Variants in PLEKHA5 observed in about 807,000 individuals in gnomAD.
The protein encoded by PLEKHA5 is pleckstrin homology domain-containing family A member 5.
PLEKHA5 carries 55 observed loss-of-function variants against 181.9 expected under a neutral mutation model. The ratio of observed to expected loss-of-function variants is 0.30; its 90% CI spans 0.24 to 0.38. The LOEUF (loss-of-function observed/expected upper bound fraction) is 0.38, where lower values mean the gene tolerates loss of function less well. Among genes scored for constraint, PLEKHA5 ranks in the 10% least tolerant of loss-of-function variants. The pLI is 1.00. For synonymous variants in PLEKHA5, 535 were observed against 529.4 expected, an observed-to-expected ratio of 1.01 and a Z score of -0.15; for missense variants, 1,432 against 1,549.5, an observed-to-expected ratio of 0.92 and a Z score of 1.27.
At chr12:19,338,831 C>T (rs1236137332) in intron 21 of PLEKHA5, among the ~76,000 whole-genome samples, 3 of 148,116 alleles carry the variant, frequency 2.0e-5, no homozygotes, top group Non-Finnish European at 4.4e-5. Flanking sequence ...TTGCAGTGAT[C>T]GGAGATCACA....
At chr12:19,346,237 A>G (rs969329459) in intron 23 of PLEKHA5, among the ~76,000 whole-genome samples, 1 of 152,248 alleles carries the variant, frequency 6.6e-6, no homozygotes, top group Non-Finnish European at 1.5e-5. Context: ...TGTCATGCGT[A>G]GCATAAAGAA....
intron 5 of PLEKHA5, among the ~76,000 whole-genome samples, chr12:19,255,944 C>T (rs962723834): frequency 7.1e-6 from 1 of 141,088 alleles, no homozygotes; most frequent in Non-Finnish European, 1.5e-5. Flanking sequence ...TGACATAAAA[C>T]TCAGAAGTAA....
chr12:19,288,802 T>G (rs920880244), intron 13 of PLEKHA5, among the ~76,000 whole-genome samples: 18 of 152,228 alleles, frequency 1.2e-4, no homozygotes, highest in Non-Finnish European at 2.4e-4. Context: ...ACCACAAATG[T>G]TTCTCTTCTG....
intron 3 of PLEKHA5, 112 bp from the exon 4 acceptor site, chr12:19,253,826 CAA>C: frequency 1.4e-6 from 1 of 739,190 alleles, no homozygotes. Flanking sequence ...GTCTCAAAAA[CAA>C]AAAAAAAGGC....
chr12:19,305,884 A>AAAAC (rs57683694), intron 15 of PLEKHA5, among the ~76,000 whole-genome samples: 25 of 147,534 alleles, frequency 1.7e-4, no homozygotes, highest in Non-Finnish European at 3.4e-4. Flanking sequence ...AAAAAAAAAA[A>AAAAC]CAACTATGAA....
chr12:19,244,745 G>A (rs897707887), intron 3 of PLEKHA5, among the ~76,000 whole-genome samples: 11 of 152,200 alleles, frequency 7.2e-5, no homozygotes, highest in African/African-American at 2.2e-4. Flanking sequence ...CTCGTTTTGC[G>A]CAGTAGATAC....
rs1389242940 is a variant in PLEKHA5, at chr12:19,255,885, A to G, written c.432+720A>G. On this transcript the variant is annotated intron_variant, in intron 5 of 31. Transcript: ENST00000429027. The stretch of plus-strand genomic sequence containing the variant: ...TAAGAAAAAAACAATGGAAGATTTG[A>G]AAAAAAAAAAAAAAGAAAAGCTCAG... 5.1e-5 allele frequency among the ~76,000 whole-genome samples: 7 copies of G among 136,640 alleles called. No individual in the cohort carries two copies. In the South Asian group the frequency reaches 8.9e-4, roughly 17 times the overall value. The allele number at this position is 136,640 out of a possible 152,430, so 89.6% of individuals were successfully genotyped here.
chr12:19,372,259 A>C (rs2095598961), intron 31 of PLEKHA5: 1 of 152,166 alleles, frequency 6.6e-6, no homozygotes, highest in Non-Finnish European at 1.5e-5. Flanking sequence ...TCGGCCTCCC[A>C]AAGTGCTGGC....
At chr12:19,283,237 A>T in intron 11 of PLEKHA5, 43 bp from the exon 12 acceptor site, 23 of 953,662 alleles carry the variant, frequency 2.4e-5, no homozygotes, top group Non-Finnish European at 3.6e-5. Flanking sequence ...TTTGGAAAAT[A>T]ACCCTCCTTC....
At chr12:19,327,330 T>C (rs1443712265) in intron 20 of PLEKHA5, among the ~76,000 whole-genome samples, 3 of 151,922 alleles carry the variant, frequency 2.0e-5, no homozygotes, top group African/African-American at 7.2e-5. Context: ...AATTTGTATT[T>C]CTCTGATGAT....
intron 22 of PLEKHA5, among the ~76,000 whole-genome samples, chr12:19,344,536 C>A (rs1301284984): frequency 6.6e-6 from 1 of 152,056 alleles, no homozygotes; most frequent in African/African-American, 2.4e-5. Context: ...CTGTCATAAG[C>A]CATGCCATAG....
chr12:19,255,231 A>G, intron 5 of PLEKHA5, 66 bp downstream of exon 5: 1 of 942,610 alleles, frequency 1.1e-6, no homozygotes, highest in Non-Finnish European at 1.5e-6. Context: ...GTTACTCATA[A>G]TGGACTTAAA....
chr12:19,260,541 A>G (rs2068159524), intron 6 of PLEKHA5, among the ~76,000 whole-genome samples: 1 of 152,196 alleles, frequency 6.6e-6, no homozygotes, highest in South Asian at 2.1e-4. Context: ...TGTATCAAAC[A>G]TACCTTGTTT....
chr12:19,161,837 C>G (rs570507817), intron 3 of PLEKHA5, among the ~76,000 whole-genome samples: 1 of 152,236 alleles, frequency 6.6e-6, no homozygotes, highest in African/African-American at 2.4e-5. Context: ...CGTACGTGTT[C>G]TGGGAGATTA....
chr12:19,345,976 CA>C, intron 23 of PLEKHA5, 88 bp downstream of exon 23: 1 of 645,996 alleles, frequency 1.5e-6, no homozygotes, highest in Non-Finnish European at 2.7e-6. Flanking sequence ...ATCTTAATAA[CA>C]AAAATATTTT....
chr12:19,253,837 G>T (rs904721808), intron 3 of PLEKHA5, 103 bp from the exon 4 acceptor site: 4 of 800,610 alleles, frequency 5.0e-6, no homozygotes, highest in Admixed American at 5.1e-5. Context: ...AAAAAAAAAG[G>T]CTGGAAGTTT....
intron 3 of PLEKHA5, among the ~76,000 whole-genome samples, chr12:19,138,072 G>A (rs986375587): frequency 1.1e-4 from 16 of 152,248 alleles, no homozygotes; most frequent in African/African-American, 3.9e-4. Flanking sequence ...AACACAAAAA[G>A]TATTGGAAGA....
chr12:19,291,241 A>C (rs1023721924), intron 14 of PLEKHA5, among the ~76,000 whole-genome samples: 1 of 152,162 alleles, frequency 6.6e-6, no homozygotes, highest in Non-Finnish European at 1.5e-5. Context: ...AAAATGTCTT[A>C]TTTTTAATGA....
At chr12:19,364,436 G>C (rs2095357991) in intron 29 of PLEKHA5, among the ~76,000 whole-genome samples, 1 of 151,968 alleles carries the variant, frequency 6.6e-6, no homozygotes, top group African/African-American at 2.4e-5. Flanking sequence ...GCTTGAGCCA[G>C]GGAGGCGGAG....
Sources: allele counts gnomAD v4.1 joint callset (sites outside exome capture counted in the v4.1 genomes callset), GRCh38; gene constraint gnomAD v4.1.1; transcripts MANE v1.5; gene names NCBI Gene and HGNC (gene_info 2026-07-23, HGNC 2026-07-21).